KCNK2: variants seen among roughly 807,000 people sequenced by gnomAD.
The protein encoded by KCNK2 is potassium two pore domain channel subfamily K member 2.
A neutral mutation model predicts 40.5 loss-of-function variants in KCNK2; 21 were observed. That is an observed-to-expected ratio of 0.52 (90% CI 0.37 to 0.75). The LOEUF is 0.75. Among genes scored for constraint, KCNK2 ranks in the 30% least tolerant of loss-of-function variants. The pLI is 0.00. For missense variants in KCNK2, 399 were observed against 531.6 expected (o/e 0.75, Z 2.45); for synonymous variants, 191 against 202.2 (o/e 0.94, Z 0.47).
chr1:215,209,360 T>A (rs59267258), intron 6 of KCNK2, among the ~76,000 whole-genome samples: 1,520 of 51,482 alleles, frequency 0.03, 107 homozygotes, highest in African/African-American at 0.1. Context: ...TTATATATAA[T>A]ATATGCATAT....
chr1:215,041,521 C>T (rs1657562133), intron 1 of KCNK2, among the ~76,000 whole-genome samples: 1 of 152,158 alleles, frequency 6.6e-6, no homozygotes, highest in East Asian at 1.9e-4. Flanking sequence ...GGGAAACTTT[C>T]TGGGATTCAT....
chr1:215,047,867 T>C (rs1035271279), intron 1 of KCNK2, among the ~76,000 whole-genome samples: 1 of 152,166 alleles, frequency 6.6e-6, no homozygotes, highest in African/African-American at 2.4e-5. Flanking sequence ...GTTAGATCTG[T>C]ATCAAGGGAG....
At position 215,169,362 on chromosome 1, in the gene KCNK2, G is replaced by A. The variant is rs1259708649; in HGVS notation, c.636+3G>A. On this transcript the variant is annotated splice_donor_region_variant and intron_variant, in intron 4 of 6. Transcript: ENST00000444842. ...CCAAAGTGGAAGATACGTTTATTGT[G>A]AGTATGATAGATATTTAACTACGTA... 2 of 1,593,918 alleles carry A rather than the reference G, an allele frequency of 1.3e-6. No individual in the cohort carries two copies.
chr1:215,203,051 T>C (rs1473051432), intron 6 of KCNK2, among the ~76,000 whole-genome samples: 1 of 152,050 alleles, frequency 6.6e-6, no homozygotes, highest in Admixed American at 6.6e-5. Context: ...TTCTTTCCTC[T>C]TTTCTCCTTA....
chr1:215,137,941 G>C (rs1464005990), intron 3 of KCNK2, among the ~76,000 whole-genome samples: 1 of 152,150 alleles, frequency 6.6e-6, no homozygotes, highest in African/African-American at 2.4e-5. Flanking sequence ...TCTGAAGAGA[G>C]GGTCCACAGC....
intron 3 of KCNK2, among the ~76,000 whole-genome samples, chr1:215,157,733 A>T (rs565140322): frequency 6.6e-6 from 1 of 152,354 alleles, no homozygotes; most frequent in African/African-American, 2.4e-5. Context: ...AATTAAAAAT[A>T]TTAATATTTT....
chr1:215,010,519 A>G (rs1656338537), intron 1 of KCNK2, among the ~76,000 whole-genome samples: 4 of 152,146 alleles, frequency 2.6e-5, no homozygotes, highest in African/African-American at 9.7e-5. Context: ...CCTCCCTCCT[A>G]TGAGAGAAAC....
intron 1 of KCNK2, among the ~76,000 whole-genome samples, chr1:215,007,095 A>G (rs1429284256): frequency 4.5e-5 from 6 of 131,968 alleles, no homozygotes; most frequent in African/African-American, 8.6e-5. Context: ...GTGTATATAT[A>G]TATGTATATA....
At chr1:215,086,347 C>T in intron 1 of KCNK2, 21 bp from the exon 2 acceptor site, 1 of 1,603,742 alleles carries the variant, frequency 6.2e-7, no homozygotes, top group Non-Finnish European at 8.5e-7. Context: ...CAACCTAACC[C>T]TCATTCTCTG....
At chr1:215,054,615 A>G (rs1215082029) in intron 1 of KCNK2, among the ~76,000 whole-genome samples, 1 of 152,198 alleles carries the variant, frequency 6.6e-6, no homozygotes, top group African/African-American at 2.4e-5. Flanking sequence ...TACTGTGCAG[A>G]GGGAAAAGTT....
intron 2 of KCNK2, among the ~76,000 whole-genome samples, chr1:215,112,985 T>A (rs950810656): frequency 3.3e-5 from 5 of 152,122 alleles, no homozygotes; most frequent in African/African-American, 1.2e-4. Context: ...AGTAGATGAC[T>A]ATACTGTATT....
At chr1:215,096,298 A>C (rs1290935852) in intron 2 of KCNK2, among the ~76,000 whole-genome samples, 1 of 151,796 alleles carries the variant, frequency 6.6e-6, no homozygotes, top group South Asian at 2.1e-4. Context: ...TTTTTCAATT[A>C]CCATTGTTAG....
chr1:215,182,617 C>A (rs1664272417), intron 5 of KCNK2, among the ~76,000 whole-genome samples: 1 of 152,156 alleles, frequency 6.6e-6, no homozygotes, highest in Admixed American at 6.5e-5. Context: ...GAGGAGAGCA[C>A]AATTCCAGCA....
chr1:215,096,016 C>T (rs1659962110), intron 2 of KCNK2, among the ~76,000 whole-genome samples: 1 of 152,010 alleles, frequency 6.6e-6, no homozygotes, highest in Non-Finnish European at 1.5e-5. Flanking sequence ...GAAATAGTTG[C>T]AAAGACACAC....
chr1:215,055,305 A>C (rs1432070669), intron 1 of KCNK2, among the ~76,000 whole-genome samples: 3 of 152,228 alleles, frequency 2.0e-5, no homozygotes, highest in Non-Finnish European at 2.9e-5. Flanking sequence ...CATGCTCAGA[A>C]TGTGTTCCCA....
chr1:215,123,601 T>G (rs1455151646), intron 2 of KCNK2, among the ~76,000 whole-genome samples: 1 of 152,186 alleles, frequency 6.6e-6, no homozygotes, highest in Non-Finnish European at 1.5e-5. Context: ...GCCTGTGACT[T>G]CCTTGAGTAG....
At chr1:215,189,602 A>C (rs1420620857) in intron 5 of KCNK2, among the ~76,000 whole-genome samples, 1 of 152,190 alleles carries the variant, frequency 6.6e-6, no homozygotes, top group African/African-American at 2.4e-5. Context: ...ATATAAGTTC[A>C]AATGACACCT....
At chr1:215,132,588 T>C (rs1244103779) in intron 3 of KCNK2, among the ~76,000 whole-genome samples, 1 of 152,244 alleles carries the variant, frequency 6.6e-6, no homozygotes, top group East Asian at 1.9e-4. Context: ...GTACTTTCAG[T>C]ATTGTGTATT....
intron 6 of KCNK2, among the ~76,000 whole-genome samples, chr1:215,225,017 C>T (rs1666330457): frequency 6.6e-6 from 1 of 151,984 alleles, no homozygotes; most frequent in Non-Finnish European, 1.5e-5. Context: ...CTATATACTG[C>T]ATAATATAAC....
Sources: gnomAD v4.1 joint callset for allele counts (sites outside exome capture counted in the v4.1 genomes callset) on GRCh38, gnomAD v4.1.1 for gene constraint, MANE v1.5 for transcripts, NCBI Gene and HGNC (gene_info 2026-07-23, HGNC 2026-07-21) for gene names.